UHRF2: variants seen among roughly 807,000 people sequenced by gnomAD.
UHRF2 encodes the protein ubiquitin like with PHD and ring finger domains 2.
A neutral mutation model predicts 96.8 loss-of-function variants in UHRF2; 23 were observed. The observed-to-expected ratio is 0.24, with a 90% confidence interval of 0.17 to 0.34. UHRF2 has a LOEUF of 0.34. Among genes scored for constraint, UHRF2 ranks in the 10% least tolerant of loss-of-function variants. The pLI, the probability that UHRF2 is intolerant of heterozygous loss-of-function variation, is 1.00. For missense variants in UHRF2, 685 were observed against 981.5 expected, an observed-to-expected ratio of 0.70 and a Z score of 4.04; for synonymous variants, 385 against 332.6, an observed-to-expected ratio of 1.16 and a Z score of -1.72.
rs566056050 is a variant in UHRF2, at chr9:6,481,970, A to G, written c.1285-22A>G. ...AAAATTTAACATAACTGATTTCTCA[A>G]CGTTTGTTTTGCGTCTTGTAGGGAA... is the stretch of plus-strand genomic sequence containing the variant. On this transcript the variant is annotated intron_variant, in intron 7 of 15. Coordinates refer to ENST00000276893, the MANE Select transcript of UHRF2 (RefSeq NM_152896.3). The G allele has an allele frequency of 6.2e-6, 10 of 1,605,926 alleles. No individual in the cohort carries two copies. In the Admixed American group the frequency reaches 6.8e-5, roughly 11 times the overall value.
At chr9:6,484,505 C>G (rs1405041318) in intron 8 of UHRF2, 1 of 150,364 alleles carries the variant, frequency 6.7e-6, no homozygotes, top group Admixed American at 6.7e-5. Flanking sequence ...TGGGCTCAAG[C>G]TGTCCTTTAC....
At chr9:6,413,687 A>C in intron 1 of UHRF2, 44 bp downstream of exon 1, 1 of 1,501,726 alleles carries the variant, frequency 6.7e-7, no homozygotes. Context: ...GGGGGCCGGA[A>C]CAGCTGGGCT....
chr9:6,473,163 CT>C (rs1367443403), intron 4 of UHRF2, among the ~76,000 whole-genome samples: 1 of 152,134 alleles, frequency 6.6e-6, no homozygotes, highest in Admixed American at 6.5e-5. Flanking sequence ...CCCACAAAGT[CT>C]GCTAAGTTCT....
chr9:6,470,011 A>G (rs1823144973), intron 4 of UHRF2, among the ~76,000 whole-genome samples: 1 of 152,152 alleles, frequency 6.6e-6, no homozygotes, highest in South Asian at 2.1e-4. Flanking sequence ...AGTGAAGATG[A>G]CCAAGTTTTC....
At chr9:6,459,891 T>G (rs1384448994) in intron 3 of UHRF2, among the ~76,000 whole-genome samples, 1 of 152,202 alleles carries the variant, frequency 6.6e-6, no homozygotes, top group African/African-American at 2.4e-5. Flanking sequence ...GGGGATTTCT[T>G]GAGCCCAGGA....
At chr9:6,447,597 GTAAA>G (rs1307378825) in intron 3 of UHRF2, among the ~76,000 whole-genome samples, 1 of 152,090 alleles carries the variant, frequency 6.6e-6, no homozygotes, top group African/African-American at 2.4e-5. Context: ...GAAACTAAAG[GTAAA>G]TAAAGATTTC....
At chr9:6,450,831 TG>T (rs1236361758) in intron 3 of UHRF2, among the ~76,000 whole-genome samples, 1 of 152,216 alleles carries the variant, frequency 6.6e-6, no homozygotes, top group African/African-American at 2.4e-5. Context: ...GTTCCAGCCC[TG>T]GGTTCAGCCA....
intron 1 of UHRF2, chr9:6,414,036 C>T (rs891279238): frequency 6.1e-6 from 1 of 163,534 alleles, no homozygotes; most frequent in Non-Finnish European, 1.3e-5. Flanking sequence ...CGCGGGAGAC[C>T]CGGAGAGCTG....
At chr9:6,492,405 C>A in intron 9 of UHRF2, 1 of 1,038,954 alleles carries the variant, frequency 9.6e-7, no homozygotes, top group Non-Finnish European at 1.2e-6. Flanking sequence ...TCTAGATGTA[C>A]GTATTTATTA....
intron 8 of UHRF2, among the ~76,000 whole-genome samples, chr9:6,485,791 CCT>C (rs768909977): frequency 1.4e-5 from 2 of 139,134 alleles, no homozygotes; most frequent in South Asian, 2.4e-4. Context: ...TGGTGAGACC[CCT>C]GTCTCTACCC....
At chr9:6,421,326 G>T (rs1419691745) in intron 2 of UHRF2, among the ~76,000 whole-genome samples, 184 bp downstream of exon 2, 1 of 152,190 alleles carries the variant, frequency 6.6e-6, no homozygotes, top group East Asian at 1.9e-4. Flanking sequence ...TGTACAAGAT[G>T]TATATGTACA....
Position 6,416,230 on chromosome 9 carries a change from A to T in UHRF2, c.153+2587A>T, listed in dbSNP as rs569313885. The stretch of plus-strand genomic sequence containing the variant: ...AGGCGTGCGCCACCACTCCCGGCAA[A>T]TTTTTTGTATTTTAGTAGAGACGAG... On this transcript the variant is annotated intron_variant, in intron 1 of 15. Coordinates refer to ENST00000276893, the MANE Select transcript of UHRF2 (RefSeq NM_152896.3). Among the ~76,000 whole-genome samples, 22 of 151,968 alleles carry T rather than the reference A, an allele frequency of 1.4e-4. No homozygotes were observed. The East Asian group carries it at 2.5e-3, about 17-fold the overall frequency.
intron 3 of UHRF2, among the ~76,000 whole-genome samples, chr9:6,438,216 C>A (rs1279452828): frequency 6.6e-6 from 1 of 152,180 alleles, no homozygotes; most frequent in Admixed American, 6.5e-5. Flanking sequence ...TCCTACCAGT[C>A]AAATATCTCT....
chr9:6,433,743 A>G (rs780893468), intron 2 of UHRF2, among the ~76,000 whole-genome samples, 171 bp from the exon 3 acceptor site: 2 of 152,268 alleles, frequency 1.3e-5, no homozygotes, highest in Non-Finnish European at 2.9e-5. Context: ...TAGATTTAAG[A>G]TAGCACAAAT....
chr9:6,440,107 C>T (rs1041997275), intron 3 of UHRF2, among the ~76,000 whole-genome samples: 1 of 152,130 alleles, frequency 6.6e-6, no homozygotes, highest in Non-Finnish European at 1.5e-5. Flanking sequence ...CCCTAAACAT[C>T]TAAATTCACA....
At chr9:6,431,414 C>A (rs1287566682) in intron 2 of UHRF2, among the ~76,000 whole-genome samples, 2 of 151,978 alleles carry the variant, frequency 1.3e-5, no homozygotes, top group Non-Finnish European at 2.9e-5. Flanking sequence ...TCAAAACCAG[C>A]CTGGGCAACA....
chr9:6,467,390 A>G (rs1250294287), intron 4 of UHRF2, among the ~76,000 whole-genome samples: 2 of 152,010 alleles, frequency 1.3e-5, no homozygotes, highest in Non-Finnish European at 2.9e-5. Context: ...TTTTATATGC[A>G]AAGTCTTTTT....
chr9:6,434,525 G>C (rs142920247), intron 3 of UHRF2, among the ~76,000 whole-genome samples: 3,983 of 152,132 alleles, frequency 0.026, 78 homozygotes, highest in Non-Finnish European at 0.043. Context: ...TGCAACCTCA[G>C]CCTCCTGGGT....
At chr9:6,460,507 T>C in intron 3 of UHRF2, 66 bp from the exon 4 acceptor site, 1 of 1,378,510 alleles carries the variant, frequency 7.3e-7, no homozygotes, top group Non-Finnish European at 9.9e-7. Context: ...TAGGTTTTTC[T>C]GTACATTGCA....
Sources: gnomAD v4.1 joint callset for allele counts (sites outside exome capture counted in the v4.1 genomes callset) on GRCh38, gnomAD v4.1.1 for gene constraint, MANE v1.5 for transcripts, NCBI Gene and HGNC (gene_info 2026-07-23, HGNC 2026-07-21) for gene names.